Variants in KCNQ1OT1 observed in about 807,000 individuals in gnomAD.
The protein encoded by KCNQ1OT1 is KCNQ1 antisense RNA 2 (non-protein coding).
chr11:2,666,822 G>A lies in KCNQ1OT1; in HGVS notation n.33173C>T, dbSNP rs1850079618. On this transcript the variant is annotated non_coding_transcript_exon_variant, in exon 1 of 1. Coordinates refer to ENST00000597346, the Ensembl canonical transcript of KCNQ1OT1. The stretch of plus-strand genomic sequence containing the variant: ...AACTTTGGTGGGAAAGGACAGAAAG[G>A]ACATTCTGGGAACCAGTGTCCAGAA... 7.5e-6 allele frequency: 3 copies of A among 398,684 alleles called. No individual in the cohort carries two copies. The East Asian group carries it at 1.1e-4, about 14-fold the overall frequency. 24.7% of individuals were successfully genotyped at this position (398,684 alleles called of 1,614,324 possible).
In KCNQ1OT1 at chr11:2,698,791, A is replaced by T. The variant is rs193238249; in HGVS notation, n.1204T>A. ...CTCCAGACCGGGATTCAGGTCCCCAACTCAGACTCCCGATCCTCTGTCCCT... is the reference window on the plus strand; with the variant it reads ...CTCCAGACCGGGATTCAGGTCCCCATCTCAGACTCCCGATCCTCTGTCCCT... On this transcript the variant is annotated non_coding_transcript_exon_variant, in exon 1 of 1. Transcript: ENST00000597346. This position sits in a 1 kb window ranked among gnomAD's most constrained non-coding sequence, Gnocchi z 5.1. The T allele has an allele frequency of 2.5e-6, 1 of 398,652 alleles. No individual in the cohort carries two copies. The highest frequency in any genetic ancestry group is 3.6e-5 in the East Asian group (1 of 28,052). 24.7% of individuals were successfully genotyped at this position (398,652 alleles called of 1,614,324 possible). A position where few individuals can be genotyped will look rare whatever the true frequency, so the allele number is the denominator to read the frequency against.
At chr11:2,631,349 T>A in exon 1 of KCNQ1OT1, 1 of 398,566 alleles carries the variant, frequency 2.5e-6, no homozygotes, top group Non-Finnish European at 4.4e-6. Context: ...CCTCCTTCTA[T>A]TTGATCAAGT....
In KCNQ1OT1 at chr11:2,623,094, T is replaced by A. The variant is rs1849201787; in HGVS notation, n.76901A>T. On this transcript the variant is annotated non_coding_transcript_exon_variant, in exon 1 of 1. Coordinates refer to ENST00000597346, the Ensembl canonical transcript of KCNQ1OT1. The surrounding 1 kb of genome is among the most constrained non-coding windows in gnomAD (Gnocchi z 5.2). ...CATGATAGTGAGTTCTCATGAGATC[T>A]GGTTGTTTAAACGTGTGTGGCACTT... The A allele has an allele frequency of 2.0e-5, 8 of 398,520 alleles. No individual in the cohort carries two copies. Among genetic ancestry groups the A allele is most frequent in the Non-Finnish European group, 3.5e-5 (8 of 226,084 alleles). 24.7% of individuals were successfully genotyped at this position (398,520 alleles called of 1,614,324 possible).
exon 1 of KCNQ1OT1, chr11:2,688,170 G>A (rs1850524010): frequency 2.5e-6 from 1 of 398,782 alleles, no homozygotes; most frequent in East Asian, 3.6e-5. Context: ...GGCCTCTGCA[G>A]ACAGCTCCCA....
rs770137262 is a variant in KCNQ1OT1, at chr11:2,657,582, T to A, written n.42413A>T. On this transcript the variant is annotated non_coding_transcript_exon_variant, in exon 1 of 1. Coordinates refer to ENST00000597346, the Ensembl canonical transcript of KCNQ1OT1. This position sits in a 1 kb window ranked among gnomAD's most constrained non-coding sequence, Gnocchi z 4.8. ...CTAATGTTAGCATCTTATATAACCA[T>A]GGTACATTGACCAAAACTAAAAAAT... The A allele has an allele frequency of 2.0e-5, 8 of 398,514 alleles. No individual in the cohort carries two copies. The highest frequency in any genetic ancestry group is 3.5e-5 in the Non-Finnish European group (8 of 226,076). The allele number at this position is 398,514 out of a possible 1,614,324, so 24.7% of individuals were successfully genotyped here.
chr11:2,615,196 T>TATATACCA, exon 1 of KCNQ1OT1: 1 of 398,250 alleles, frequency 2.5e-6, no homozygotes, highest in Non-Finnish European at 4.4e-6. Flanking sequence ...CTTCTTGGGC[T>TATATACCA]GTTCATTCCT....
exon 1 of KCNQ1OT1, chr11:2,625,313 T>C: frequency 2.5e-6 from 1 of 398,622 alleles, no homozygotes; most frequent in East Asian, 3.6e-5. Flanking sequence ...TGCAGTGGCA[T>C]GATCATGGCA....
Position 2,625,411 on chromosome 11 carries a change from A to G in KCNQ1OT1, n.74584T>C, listed in dbSNP as rs1849246480. The G allele has an allele frequency of 1.3e-5, 5 of 398,206 alleles. No homozygotes were observed. In the South Asian group the frequency reaches 6.4e-4, roughly 51 times the overall value. 24.7% of individuals were successfully genotyped at this position (398,206 alleles called of 1,614,324 possible). ...GCTGATACTAGAGATGGGTCTCACT[A>G]TGTTGCCTAGGCTGTGTTTATTTTT... On this transcript the variant is annotated non_coding_transcript_exon_variant, in exon 1 of 1. Transcript: ENST00000597346.
Position 2,682,173 on chromosome 11 carries a change from T to A in KCNQ1OT1, n.17822A>T, listed in dbSNP as rs1850409502. 5 of 398,468 alleles carry A rather than the reference T, an allele frequency of 1.3e-5. No homozygotes were observed. Among genetic ancestry groups the A allele is most frequent in the Non-Finnish European group, 1.8e-5 (4 of 226,070 alleles). 24.7% of individuals were successfully genotyped at this position (398,468 alleles called of 1,614,324 possible). The stretch of plus-strand genomic sequence containing the variant: ...TCAGTATTAAACATATCAAGCTCTC[T>A]CCTGACCTTCTCTCCCCTTCCCCAG... On this transcript the variant is annotated non_coding_transcript_exon_variant, in exon 1 of 1. Transcript: ENST00000597346. The surrounding 1 kb of genome is among the most constrained non-coding windows in gnomAD (Gnocchi z 5.8).
Position 2,673,342 on chromosome 11 carries a change from T to C in KCNQ1OT1, n.26653A>G, listed in dbSNP as rs1034961015. 1 of 398,608 alleles carries C rather than the reference T, an allele frequency of 2.5e-6. No individual in the cohort carries two copies. Among genetic ancestry groups the C allele is most frequent in the African/African-American group, 2.1e-5 (1 of 48,642 alleles). 24.7% of individuals were successfully genotyped at this position (398,608 alleles called of 1,614,324 possible). A position where few individuals can be genotyped will look rare whatever the true frequency, so the allele number is the denominator to read the frequency against. On this transcript the variant is annotated non_coding_transcript_exon_variant, in exon 1 of 1. Transcript: ENST00000597346. This position sits in a 1 kb window ranked among gnomAD's most constrained non-coding sequence, Gnocchi z 4.5. ...ACCAGGCCAGCTTTTGGAAACAGTC[T>C]CATTAGCAAACAAAGGGAAGTGACA...
chr11:2,635,947 T>C (rs998177689), exon 1 of KCNQ1OT1: 1 of 152,224 alleles, frequency 6.6e-6, no homozygotes, highest in Non-Finnish European at 1.5e-5. Context: ...TTGAAGCAAT[T>C]GTGAATGGGA....
rs1327213732 is a variant in KCNQ1OT1 at position 2,687,944 on chromosome 11, C to T, written n.12051G>A. On this transcript the variant is annotated non_coding_transcript_exon_variant, in exon 1 of 1. Coordinates refer to ENST00000597346, the Ensembl canonical transcript of KCNQ1OT1. The surrounding 1 kb of genome is among the most constrained non-coding windows in gnomAD (Gnocchi z 5.0). ...TGTGAGGCTGCACTTCTCCCACCCGCTGTGGGTCAGCCAGGCCGCTGCTTC... is the reference window on the plus strand; with the variant it reads ...TGTGAGGCTGCACTTCTCCCACCCGTTGTGGGTCAGCCAGGCCGCTGCTTC... 1.0e-5 allele frequency: 4 copies of T among 398,666 alleles called. No homozygotes were observed. The highest frequency in any genetic ancestry group is 8.2e-5 in the African/African-American group (4 of 48,640). The allele number at this position is 398,666 out of a possible 1,614,324, so 24.7% of individuals were successfully genotyped here. A position where few individuals can be genotyped will look rare whatever the true frequency, so the allele number is the denominator to read the frequency against.
exon 1 of KCNQ1OT1, chr11:2,686,006 T>A (rs1850482985): frequency 2.5e-6 from 1 of 397,780 alleles, no homozygotes. Flanking sequence ...CCAAGAAGAG[T>A]CAGGGGGGCT....
In KCNQ1OT1 at chr11:2,690,981, C is replaced by T; in HGVS notation, n.9014G>A. The T allele has an allele frequency of 2.5e-6, 1 of 398,642 alleles. No homozygotes were observed. The highest frequency in any genetic ancestry group is 4.4e-6 in the Non-Finnish European group (1 of 226,082). 24.7% of individuals were successfully genotyped at this position (398,642 alleles called of 1,614,324 possible). A position where few individuals can be genotyped will look rare whatever the true frequency, so the allele number is the denominator to read the frequency against. On this transcript the variant is annotated non_coding_transcript_exon_variant, in exon 1 of 1. Transcript: ENST00000597346. The surrounding 1 kb of genome is among the most constrained non-coding windows in gnomAD (Gnocchi z 5.1). ...ACGGGTATGTGTCAACAAAAGCCCA[C>T]CAGACCATCAATGAAGTGGGCAAAA...
rs1362554335 is a variant in KCNQ1OT1 at position 2,682,570 on chromosome 11, G to A, written n.17425C>T. Reference sequence around the variant, plus strand: ...CAGGGGTTCCATAAGGCTATGCTGGGGTTCAGGCAACCCAAGGCTGGTCTG... The same window carrying A: ...CAGGGGTTCCATAAGGCTATGCTGGAGTTCAGGCAACCCAAGGCTGGTCTG... On this transcript the variant is annotated non_coding_transcript_exon_variant, in exon 1 of 1. Coordinates refer to ENST00000597346, the Ensembl canonical transcript of KCNQ1OT1. The surrounding 1 kb of genome is among the most constrained non-coding windows in gnomAD (Gnocchi z 5.8). The A allele has an allele frequency of 2.5e-6, 1 of 398,426 alleles. No individual in the cohort carries two copies. Among genetic ancestry groups the A allele is most frequent in the African/African-American group, 2.1e-5 (1 of 48,600 alleles). The allele number at this position is 398,426 out of a possible 1,614,324, so 24.7% of individuals were successfully genotyped here. A position where few individuals can be genotyped will look rare whatever the true frequency, so the allele number is the denominator to read the frequency against.
At chr11:2,692,838 C>T (rs1850610412) in exon 1 of KCNQ1OT1, 5 of 398,538 alleles carry the variant, frequency 1.3e-5, no homozygotes, top group Non-Finnish European at 2.2e-5. Flanking sequence ...ATTCCCCTGC[C>T]TGTTAGACAT....
rs2133803795 is a variant in KCNQ1OT1, at chr11:2,620,795, G to A, written n.79200C>T. ...CTTAGCACAGTGGCTGAACTAATTTGTATTCCTGCCAACAGTGTATAAGCG... is the reference window on the plus strand; with the variant it reads ...CTTAGCACAGTGGCTGAACTAATTTATATTCCTGCCAACAGTGTATAAGCG... On this transcript the variant is annotated non_coding_transcript_exon_variant, in exon 1 of 1. Transcript: ENST00000597346. This position sits in a 1 kb window ranked among gnomAD's most constrained non-coding sequence, Gnocchi z 4.5. The A allele has an allele frequency of 2.5e-6, 1 of 398,560 alleles. No individual in the cohort carries two copies. The highest frequency in any genetic ancestry group is 1.3e-4 in the South Asian group (1 of 7,858). The allele number at this position is 398,560 out of a possible 1,614,324, so 24.7% of individuals were successfully genotyped here. A position where few individuals can be genotyped will look rare whatever the true frequency, so the allele number is the denominator to read the frequency against.
chr11:2,633,966 G>A (rs922016251), exon 1 of KCNQ1OT1: 12 of 398,244 alleles, frequency 3.0e-5, no homozygotes, highest in African/African-American at 2.5e-4. Flanking sequence ...AACCTATACA[G>A]TTCAAATCTA....
At chr11:2,641,319 A>G (rs1849573051) in exon 1 of KCNQ1OT1, 1 of 398,254 alleles carries the variant, frequency 2.5e-6, no homozygotes, top group Non-Finnish European at 4.4e-6. Flanking sequence ...AGCATTGGTT[A>G]ATTTTTGTCT....
Sources: gnomAD v4.1 joint callset for allele counts on GRCh38, gnomAD v4.1.1 for gene constraint, Gnocchi (gnomAD v3.1) non-coding constraint, MANE v1.5 for transcripts, NCBI Gene and HGNC (gene_info 2026-07-23, HGNC 2026-07-21) for gene names.